The following CDH23 variants were observed in gnomAD, a reference collection of about 807,000 sequenced individuals.
The protein encoded by CDH23 is cadherin related 23.
A neutral mutation model predicts 317.1 loss-of-function variants in CDH23; 189 were observed. That is an observed-to-expected ratio of 0.60 (90% CI 0.53 to 0.67). The LOEUF is 0.67. Ranked by LOEUF, CDH23 falls within the 30% of genes least tolerant of loss-of-function variation. The pLI, the probability that CDH23 is intolerant of heterozygous loss-of-function variation, is 0.00. For synonymous variants in CDH23, 1,839 were observed against 1,876.8 expected (o/e 0.98, Z 0.52); for missense variants, 4,401 against 4,592.4 (o/e 0.96, Z 1.20).
At chr10:71,568,635 A>G (rs1857549223) in intron 7 of CDH23, among the ~76,000 whole-genome samples, 5 of 152,140 alleles carry the variant, frequency 3.3e-5, no homozygotes, top group Admixed American at 2.6e-4. Context: ...AGGAGCTGAC[A>G]CCGAGTCCTT....
chr10:71,750,917 G>A, intron 38 of CDH23: 1 of 256,128 alleles, frequency 3.9e-6, no homozygotes, highest in Non-Finnish European at 7.4e-6. Context: ...CACATCCCAA[G>A]GCTCATGTCT....
chr10:71,480,255 G>A (rs1851998277), intron 3 of CDH23, among the ~76,000 whole-genome samples: 1 of 152,230 alleles, frequency 6.6e-6, no homozygotes. Context: ...GACCTGTGGT[G>A]TTCAGTCTGC....
At position 71,695,542 on chromosome 10, in the gene CDH23, C is replaced by T. The variant is rs754849821; in HGVS notation, c.2397+17C>T. On this transcript the variant is annotated intron_variant, in intron 22 of 69. Coordinates refer to ENST00000224721, the MANE Select transcript of CDH23 (RefSeq NM_022124.6). Reference sequence around the variant, plus strand: ...GTGACCACGGTAGGTGGTGGCAGAGCAGCAGAACTGCCAGGCGGCCCTTCC... The same window carrying T: ...GTGACCACGGTAGGTGGTGGCAGAGTAGCAGAACTGCCAGGCGGCCCTTCC... The T allele has an allele frequency of 1.7e-5, 26 of 1,570,212 alleles. 1 individual carries two copies. The South Asian group carries it at 2.1e-4, about 13-fold the overall frequency.
intron 47 of CDH23, among the ~76,000 whole-genome samples, chr10:71,792,852 A>AAAAT (rs1841297946): frequency 1.0e-4 from 4 of 38,500 alleles, no homozygotes; most frequent in African/African-American, 2.1e-4. Context: ...AAAAAAAAAA[A>AAAAT]ATATATATAT....
chr10:71,517,559 G>GT (rs1489978468), intron 6 of CDH23, among the ~76,000 whole-genome samples: 4 of 14,330 alleles, frequency 2.8e-4, no homozygotes, highest in South Asian at 2.4e-3. Context: ...GCGAGAAGCT[G>GT]GGGGGGAGAT....
In CDH23 at chr10:71,577,907, T is replaced by C. The variant is rs756910862; in HGVS notation, c.754-7T>C. 6.3e-7 allele frequency: 1 copy of C among 1,590,354 alleles called. No individual in the cohort carries two copies. Among genetic ancestry groups the C allele is most frequent in the Admixed American group, 1.8e-5 (1 of 56,854 alleles). On this transcript the variant is annotated splice_region_variant and splice_polypyrimidine_tract_variant and intron_variant, in intron 8 of 69. Coordinates refer to ENST00000224721, the MANE Select transcript of CDH23 (RefSeq NM_022124.6). Reference sequence around the variant, plus strand: ...CCAAACTCAAGTCCCTCCTCTCTTCTGCCCAGGGCACGACGGTGCGCATCA... The same window carrying C: ...CCAAACTCAAGTCCCTCCTCTCTTCCGCCCAGGGCACGACGGTGCGCATCA...
intron 8 of CDH23, among the ~76,000 whole-genome samples, chr10:71,577,214 A>T (rs948603495): frequency 1.3e-5 from 2 of 152,072 alleles, no homozygotes; most frequent in African/African-American, 4.8e-5. Context: ...GCTCCCCAAG[A>T]ACGCGTTCCC....
chr10:71,451,528 A>C (rs1269838198), intron 3 of CDH23, among the ~76,000 whole-genome samples: 1 of 152,102 alleles, frequency 6.6e-6, no homozygotes, highest in Non-Finnish European at 1.5e-5. Context: ...CTCCCACTTC[A>C]CGGTCTTTGC....
In CDH23 at chr10:71,510,862, A is replaced by G. The variant is rs533700999; in HGVS notation, c.289-92A>G. ...TGGTTCCAGGCAAGCTCCTAGGGCAATCCTGGAGCCCCTCCCGCCCCATTT... is the reference window on the plus strand; with the variant it reads ...TGGTTCCAGGCAAGCTCCTAGGGCAGTCCTGGAGCCCCTCCCGCCCCATTT... On this transcript the variant is annotated intron_variant, in intron 4 of 69. Transcript: ENST00000224721. 6.6e-5 allele frequency: 84 copies of G among 1,273,752 alleles called. No individual in the cohort carries two copies. In the African/African-American group the frequency reaches 1.1e-3, roughly 16 times the overall value. 78.9% of individuals were successfully genotyped at this position (1,273,752 alleles called of 1,614,324 possible). A position where few individuals can be genotyped will look rare whatever the true frequency, so the allele number is the denominator to read the frequency against.
intron 6 of CDH23, among the ~76,000 whole-genome samples, chr10:71,545,117 T>G (rs1355010096): frequency 6.6e-6 from 1 of 152,200 alleles, no homozygotes; most frequent in Non-Finnish European, 1.5e-5. Context: ...CCAGATGCAA[T>G]AGCTTGAAAG....
At chr10:71,787,354 T>C (rs1841134047) in intron 44 of CDH23, among the ~76,000 whole-genome samples, 1 of 140,174 alleles carries the variant, frequency 7.1e-6, no homozygotes, top group Non-Finnish European at 1.5e-5. Flanking sequence ...ATTCAGGGAG[T>C]ACAAGCACAG....
rs1307764209 is a variant in CDH23 at position 71,797,115 on chromosome 10, G to A, written c.6724G>A (p.Val2242Met). Residue 2242 changes from valine to methionine, a missense_variant, in exon 49 of 70, where the codon GTG (valine) becomes ATG (methionine). Coordinates refer to ENST00000224721, the MANE Select transcript of CDH23 (RefSeq NM_022124.6). ...GGTCTGGTCCACAGGATCTGTAATG[G>A]TGAAGTCCCCCATGAATCGGGAGCT... is the stretch of plus-strand genomic sequence containing the variant. ...AVNINTGSVM[V>M]KSPMNRELVA... is the part of the protein sequence containing the mutation. The A allele has an allele frequency of 6.8e-6, 11 of 1,612,062 alleles. No homozygotes were observed. The highest frequency in any genetic ancestry group is 8.5e-6 in the Non-Finnish European group (10 of 1,178,618).
At chr10:71,651,366 CAAAAAAA>C (rs34501770) in intron 14 of CDH23, among the ~76,000 whole-genome samples, 1 of 100,416 alleles carries the variant, frequency 1.0e-5, no homozygotes, top group African/African-American at 3.9e-5. Flanking sequence ...CCTGTCTCTG[CAAAAAAA>C]AAAAAAAAAA....
At chr10:71,615,448 CTCCAT>C in intron 9 of CDH23, 51 bp from the exon 10 acceptor site, 1 of 1,218,558 alleles carries the variant, frequency 8.2e-7, no homozygotes. Flanking sequence ...CTGCCCCCAG[CTCCAT>C]GCCCCCCTGC....
chr10:71,450,429 CT>C (rs1203589096), intron 3 of CDH23, among the ~76,000 whole-genome samples: 3 of 152,120 alleles, frequency 2.0e-5, no homozygotes, highest in Admixed American at 1.3e-4. Flanking sequence ...CCACTCCCAG[CT>C]AATTTTTTTA....
At chr10:71,813,453 GC>G in intron 69 of CDH23, 105 bp downstream of exon 69, 1 of 1,032,240 alleles carries the variant, frequency 9.7e-7, no homozygotes, top group Non-Finnish European at 1.5e-6. Context: ...GAGCTCTGCA[GC>G]CAGGACCAAA....
In CDH23 at chr10:71,799,504, G is replaced by A; in HGVS notation, c.7237G>A (p.Glu2413Lys). The stretch of plus-strand genomic sequence containing the variant: ...CCCTGGGCTCCAGGAGGCTGTCTTT[G>A]AGGATGTGCCTGTGGGCACAATCAT... ...DQPSYQEAVF[E>K]DVPVGTIILT... is the part of the protein sequence containing the mutation. The change falls in exon 52 of 70, where the codon GAG becomes AAG. Residue 2413 changes from glutamate (E) to lysine (K), a missense_variant. This residue lies in a region of CDH23 where 189 missense variants were observed against 250.9 expected (regional missense o/e 0.75). Transcript: ENST00000224721. 6.2e-7 allele frequency: 1 copy of A among 1,614,062 alleles called. No homozygotes were observed. The highest frequency in any genetic ancestry group is 2.2e-5 in the East Asian group (1 of 44,884).
At position 71,802,954 on chromosome 10, in the gene CDH23, G is replaced by C. The variant is rs1216993117; in HGVS notation, c.7539G>C (p.Gln2513His). ...NDCRPQFSKP[Q>H]FSTSVYENEP... The stretch of plus-strand genomic sequence containing the variant: ...GCCGGCCACAGTTCTCCAAGCCCCA[G>C]TTCAGCACAAGCGTGTATGAGAATG... The change falls in exon 54 of 70, where the codon CAG (glutamine) becomes CAC (histidine). Residue 2513 changes from glutamine to histidine, a missense_variant. Physicochemically the swap from Gln to His is conservative, Grantham distance 24 (BLOSUM62 0). Coordinates refer to ENST00000224721, the MANE Select transcript of CDH23 (RefSeq NM_022124.6). 6.2e-7 allele frequency: 1 copy of C among 1,614,026 alleles called. No individual in the cohort carries two copies. Among genetic ancestry groups the C allele is most frequent in the Admixed American group, 1.7e-5 (1 of 60,014 alleles).
chr10:71,782,830 C>A (rs189377269), intron 41 of CDH23, among the ~76,000 whole-genome samples: 1 of 152,382 alleles, frequency 6.6e-6, no homozygotes, highest in Admixed American at 6.5e-5. Flanking sequence ...TTCCACCCCC[C>A]AGGCAGGGTG....
Sources: gnomAD v4.1 joint callset for allele counts (sites outside exome capture counted in the v4.1 genomes callset) on GRCh38, gnomAD v4.1.1 for gene constraint, gnomAD v4.1.1 regional missense constraint, MANE v1.5 for transcripts, NCBI Gene and HGNC (gene_info 2026-07-23, HGNC 2026-07-21) for gene names.